The following FYCO1 variants were observed in gnomAD, a reference collection of about 807,000 sequenced individuals.
The protein encoded by FYCO1 is FYVE and coiled-coil domain autophagy adaptor 1.
A neutral mutation model predicts 165.1 loss-of-function variants in FYCO1; 122 were observed. That is an observed-to-expected ratio of 0.74 (90% CI 0.64 to 0.86). The LOEUF (loss-of-function observed/expected upper bound fraction) is 0.86, where lower values mean the gene tolerates loss of function less well. FYCO1 is among the 40% of genes least tolerant of loss of function. The probability of loss-of-function intolerance (pLI) is 0.00; values close to 1 mark genes in which losing one functional copy is unlikely to be tolerated. For missense variants in FYCO1, 1,702 were observed against 1,810.3 expected (o/e 0.94, Z 1.09); for synonymous variants, 648 against 742.5 (o/e 0.87, Z 2.07).
At chr3:45,950,433 C>A (rs946995720) in intron 14 of FYCO1, among the ~76,000 whole-genome samples, 1 of 152,062 alleles carries the variant, frequency 6.6e-6, no homozygotes, top group Non-Finnish European at 1.5e-5. Context: ...GCCCAGGTGT[C>A]CTCCGTAGGT....
chr3:45,961,942 C>T (rs1705718868), intron 11 of FYCO1, among the ~76,000 whole-genome samples: 1 of 152,192 alleles, frequency 6.6e-6, no homozygotes, highest in African/African-American at 2.4e-5. Context: ...CAGTTCTAGG[C>T]CAAGACATAT....
At chr3:45,983,944 G>C (rs1404148864) in intron 2 of FYCO1, among the ~76,000 whole-genome samples, 3 of 152,236 alleles carry the variant, frequency 2.0e-5, no homozygotes. Flanking sequence ...ACTTCAGAAT[G>C]AGAACTGCAC....
At position 45,958,500 on chromosome 3, in the gene FYCO1, G is replaced by T. The variant is rs140160920; in HGVS notation, c.3707C>A (p.Ser1236Tyr). ...CFQKLSEGPG[S>Y]PDSSGSGTSQ... ...AGTGCCTGAGCCACTGCTATCAGGG[G>T]AGCCAGGGCCTTCACTGAGCTTCTG... The change falls in exon 13 of 18, where the codon TCC (serine) becomes TAC (tyrosine). Residue 1236 changes from serine (S) to tyrosine (Y), a missense_variant. Coordinates refer to ENST00000296137, the MANE Select transcript of FYCO1 (RefSeq NM_024513.4). The T allele has an allele frequency of 6.2e-7, 1 of 1,614,150 alleles. No homozygotes were observed. Among genetic ancestry groups the T allele is most frequent in the South Asian group, 1.1e-5 (1 of 91,078 alleles).
rs1251131574 is a variant in FYCO1 at position 45,990,670 on chromosome 3, GACAAA to G, written c.-113+5047_-113+5051del. 2.0e-5 allele frequency among the ~76,000 whole-genome samples: 3 copies of G among 152,302 alleles called. No individual in the cohort carries two copies. The East Asian group carries it at 5.8e-4, about 29-fold the overall frequency. ...TACTGCTGAATGAATGAATGAATTA[GACAAA>G]ACAAAACACATAGATCCTTGCCCCA... is the stretch of plus-strand genomic sequence containing the variant. On this transcript the variant is annotated intron_variant, in intron 1 of 17. Coordinates refer to ENST00000296137, the MANE Select transcript of FYCO1 (RefSeq NM_024513.4).
At chr3:45,984,807 C>T in intron 2 of FYCO1, 49 bp downstream of exon 2, 2 of 1,600,898 alleles carry the variant, frequency 1.2e-6, no homozygotes, top group Non-Finnish European at 1.7e-6. Context: ...AAAAGCCCTG[C>T]CACAAGTCCC....
chr3:45,965,169 T>G, intron 8 of FYCO1, 44 bp from the exon 9 acceptor site: 2 of 1,468,350 alleles, frequency 1.4e-6, no homozygotes. Context: ...GTAGGGTCCT[T>G]GCTCTGAGGA....
At position 45,995,136 on chromosome 3, in the gene FYCO1, G is replaced by A. The variant is rs1157256736; in HGVS notation, c.-113+586C>T. Among the ~76,000 whole-genome samples the A allele has an allele frequency of 5.2e-5, 7 of 133,540 alleles. No individual in the cohort carries two copies. The Admixed American group carries it at 6.4e-4, about 12-fold the overall frequency. 87.6% of individuals were successfully genotyped at this position (133,540 alleles called of 152,430 possible). A position where few individuals can be genotyped will look rare whatever the true frequency, so the allele number is the denominator to read the frequency against. On this transcript the variant is annotated intron_variant, in intron 1 of 17. Transcript: ENST00000296137. ...AGAGACAACAGGTGTTTCGGGAAAA[G>A]ACCCCTGGGGGCTAGCTCGAGACCC...
chr3:45,989,783 C>T (rs925141247), intron 1 of FYCO1, among the ~76,000 whole-genome samples: 2 of 152,170 alleles, frequency 1.3e-5, no homozygotes, highest in African/African-American at 2.4e-5. Context: ...AGCCACTATT[C>T]GAGTCCATGG....
chr3:45,970,981 G>T (rs1354523792), intron 6 of FYCO1, among the ~76,000 whole-genome samples: 1 of 152,106 alleles, frequency 6.6e-6, no homozygotes, highest in East Asian at 1.9e-4. Context: ...GATTACTTCT[G>T]AAAGGGGAAC....
rs182171107 is a variant in FYCO1, at chr3:45,992,277, T to C, written c.-113+3445A>G. Among the ~76,000 whole-genome samples the C allele has an allele frequency of 2.7e-3, 412 of 152,208 alleles. 2 individuals are homozygous for C. The highest frequency in any genetic ancestry group is 9.5e-3 in the African/African-American group (394 of 41,536). The stretch of plus-strand genomic sequence containing the variant: ...GTGGGCCTGGGTTCTGTTGCACTTC[T>C]TGGGGAGGAGCATGACAACAGCAGT... On this transcript the variant is annotated intron_variant, in intron 1 of 17. Transcript: ENST00000296137.
chr3:45,946,593 T>C (rs1559448918), intron 14 of FYCO1: 1 of 1,614,250 alleles, frequency 6.2e-7, no homozygotes, highest in Non-Finnish European at 8.5e-7. Context: ...GCCCTGCATG[T>C]ACCTGGTGGT....
intron 14 of FYCO1, among the ~76,000 whole-genome samples, chr3:45,943,087 T>A (rs1704334538): frequency 6.6e-6 from 1 of 152,148 alleles, no homozygotes; most frequent in South Asian, 2.1e-4. Context: ...TGGAGCTGCA[T>A]ATGCACGCAG....
chr3:45,955,519 G>C (rs1484280384), intron 13 of FYCO1, 126 bp from the exon 14 acceptor site: 2 of 1,066,490 alleles, frequency 1.9e-6, no homozygotes, highest in Admixed American at 1.7e-5. Flanking sequence ...CACAATTTAA[G>C]TGGTCACTCA....
At chr3:45,947,275 G>A (rs1201262651) in intron 14 of FYCO1, 6 of 1,614,088 alleles carry the variant, frequency 3.7e-6, no homozygotes, top group Non-Finnish European at 5.1e-6. Flanking sequence ...GCCATGACCA[G>A]CTTTCACTAC....
chr3:45,956,012 C>T (rs919533910), intron 13 of FYCO1, among the ~76,000 whole-genome samples: 9 of 149,354 alleles, frequency 6.0e-5, no homozygotes, highest in African/African-American at 1.9e-4. Flanking sequence ...GCATATGTCA[C>T]GGAAAAATGT....
chr3:45,939,097 T>C lies in FYCO1; in HGVS notation c.3945-2554A>G, dbSNP rs1449127051. Among the ~76,000 whole-genome samples the C allele has an allele frequency of 4.6e-5, 7 of 152,246 alleles. 1 individual carries two copies. Among genetic ancestry groups the C allele is most frequent in the African/African-American group, 1.2e-4 (5 of 41,462 alleles). ...GGCAGCCTACTGCTAGCTTGGCTGATGGCATGCCACCCTTTCCTTCCGAGT... is the reference window on the plus strand; with the variant it reads ...GGCAGCCTACTGCTAGCTTGGCTGACGGCATGCCACCCTTTCCTTCCGAGT... On this transcript the variant is annotated intron_variant, in intron 14 of 17. Coordinates refer to ENST00000296137, the MANE Select transcript of FYCO1 (RefSeq NM_024513.4).
intron 8 of FYCO1, 74 bp downstream of exon 8, chr3:45,966,203 G>A: frequency 6.7e-7 from 1 of 1,496,538 alleles, no homozygotes; most frequent in Non-Finnish European, 9.2e-7. Context: ...ATGGCTAAAG[G>A]TGCATCTTCC....
chr3:45,934,811 A>G (rs577705625), intron 15 of FYCO1, among the ~76,000 whole-genome samples: 2 of 152,348 alleles, frequency 1.3e-5, no homozygotes, highest in South Asian at 4.1e-4. Flanking sequence ...TGCAAGGGAC[A>G]TTTTGGTAGC....
chr3:45,964,326 T>G lies in FYCO1; in HGVS notation c.3269+10A>C. ...ACTACCGACAGCTACGTAGGTGGAC[T>G]GTGACTAACCTTTCTAGGTCTTCAC... On this transcript the variant is annotated intron_variant, in intron 10 of 17. Coordinates refer to ENST00000296137, the MANE Select transcript of FYCO1 (RefSeq NM_024513.4). This position sits in a 1 kb window ranked among gnomAD's most constrained non-coding sequence, Gnocchi z 4.1. 6.2e-7 allele frequency: 1 copy of G among 1,602,868 alleles called. No homozygotes were observed. Among genetic ancestry groups the G allele is most frequent in the Non-Finnish European group, 8.5e-7 (1 of 1,169,750 alleles).
Sources: gnomAD v4.1 joint callset for allele counts (sites outside exome capture counted in the v4.1 genomes callset) on GRCh38, gnomAD v4.1.1 for gene constraint, Gnocchi (gnomAD v3.1) non-coding constraint, MANE v1.5 for transcripts, NCBI Gene and HGNC (gene_info 2026-07-23, HGNC 2026-07-21) for gene names.